Variants in LRRC8B observed in about 807,000 individuals in gnomAD.
LRRC8B encodes volume-regulated anion channel subunit LRRC8B.
In LRRC8B, 23 loss-of-function variants were observed where a neutral mutation model predicts 58.8. That is an observed-to-expected ratio of 0.39 (90% CI 0.28 to 0.55). LRRC8B has a LOEUF of 0.55. LRRC8B is among the 20% of genes least tolerant of loss of function. The pLI, the probability that LRRC8B is intolerant of heterozygous loss-of-function variation, is 0.62. For missense variants in LRRC8B, 694 were observed against 936.0 expected, an observed-to-expected ratio of 0.74 and a Z score of 3.37; for synonymous variants, 359 against 374.1, an observed-to-expected ratio of 0.96 and a Z score of 0.47.
At chr1:89,567,924 A>C (rs1353318356) in intron 1 of LRRC8B, among the ~76,000 whole-genome samples, 1 of 152,044 alleles carries the variant, frequency 6.6e-6, no homozygotes, top group Non-Finnish European at 1.5e-5. Flanking sequence ...CCTGTGATAT[A>C]TAAGTGGCAA....
intron 1 of LRRC8B, among the ~76,000 whole-genome samples, chr1:89,564,625 A>G (rs1184591559): frequency 6.6e-6 from 1 of 152,170 alleles, no homozygotes. Flanking sequence ...TTCAACAGAT[A>G]ATTATTGAGA....
chr1:89,539,017 C>T (rs1163221338), intron 1 of LRRC8B, among the ~76,000 whole-genome samples: 1 of 152,322 alleles, frequency 6.6e-6, no homozygotes, highest in East Asian at 1.9e-4. Context: ...CCACCGCACC[C>T]AGCCCCTTCA....
intron 3 of LRRC8B, among the ~76,000 whole-genome samples, chr1:89,570,971 A>G (rs1446456725): frequency 6.6e-6 from 1 of 152,164 alleles, no homozygotes; most frequent in East Asian, 1.9e-4. Flanking sequence ...TCAAATAGGG[A>G]ATCCTTTTCC....
chr1:89,575,226 T>C (rs1653757011), intron 3 of LRRC8B, among the ~76,000 whole-genome samples: 1 of 152,212 alleles, frequency 6.6e-6, no homozygotes, highest in Non-Finnish European at 1.5e-5. Context: ...TCCCCTTGAA[T>C]CTGGACTGGC....
At chr1:89,575,775 A>G (rs1653800253) in intron 3 of LRRC8B, among the ~76,000 whole-genome samples, 1 of 152,174 alleles carries the variant, frequency 6.6e-6, no homozygotes, top group African/African-American at 2.4e-5. Flanking sequence ...ATATCATAGG[A>G]TCAAAATCTG....
intron 1 of LRRC8B, among the ~76,000 whole-genome samples, chr1:89,537,827 A>T (rs965923251): frequency 1.3e-5 from 2 of 152,174 alleles, no homozygotes; most frequent in African/African-American, 4.8e-5. Context: ...CTCTCCCACC[A>T]TGTGAGGATA....
chr1:89,580,964 T>C (rs1654173380), intron 4 of LRRC8B, among the ~76,000 whole-genome samples: 2 of 152,010 alleles, frequency 1.3e-5, no homozygotes, highest in African/African-American at 2.4e-5. Flanking sequence ...CAAGGCAGGA[T>C]ACCAGACCCC....
At chr1:89,544,268 G>C (rs1651236934) in intron 1 of LRRC8B, among the ~76,000 whole-genome samples, 1 of 152,142 alleles carries the variant, frequency 6.6e-6, no homozygotes, top group African/African-American at 2.4e-5. Flanking sequence ...ACATCCCAGA[G>C]ATGTTACACA....
At chr1:89,554,800 A>G (rs529475184) in intron 1 of LRRC8B, among the ~76,000 whole-genome samples, 1 of 152,312 alleles carries the variant, frequency 6.6e-6, no homozygotes, top group South Asian at 2.1e-4. Flanking sequence ...TGGATGAGAG[A>G]GAAAAGACAG....
chr1:89,560,492 C>T (rs1377800031), intron 1 of LRRC8B, among the ~76,000 whole-genome samples: 2 of 151,334 alleles, frequency 1.3e-5, no homozygotes, highest in Non-Finnish European at 2.9e-5. Context: ...CCCACTAACT[C>T]GTCATCTAGC....
At chr1:89,570,163 A>G (rs1012679205) in intron 3 of LRRC8B, among the ~76,000 whole-genome samples, 6 of 152,178 alleles carry the variant, frequency 3.9e-5, no homozygotes, top group Non-Finnish European at 5.9e-5. Context: ...GCTATTGTGA[A>G]TAATGCTGCA....
intron 4 of LRRC8B, among the ~76,000 whole-genome samples, chr1:89,581,444 T>C (rs1380390903): frequency 6.6e-6 from 1 of 152,158 alleles, no homozygotes; most frequent in African/African-American, 2.4e-5. Context: ...GGCACCATGC[T>C]ACCATTATTA....
chr1:89,581,078 T>G (rs1654187593), intron 4 of LRRC8B, among the ~76,000 whole-genome samples: 1 of 151,876 alleles, frequency 6.6e-6, no homozygotes, highest in Non-Finnish European at 1.5e-5. Context: ...GATCATGAGG[T>G]CAGGAGTTCG....
At chr1:89,562,181 A>ACACACACACAGC (rs1553157003) in intron 1 of LRRC8B, among the ~76,000 whole-genome samples, 1 of 149,814 alleles carries the variant, frequency 6.7e-6, no homozygotes, top group African/African-American at 2.5e-5. Context: ...ACACACACAC[A>ACACACACACAGC]CCCTCTGCAT....
At chr1:89,531,126 CT>C (rs1175460423) in intron 1 of LRRC8B, among the ~76,000 whole-genome samples, 1 of 152,164 alleles carries the variant, frequency 6.6e-6, no homozygotes, top group Non-Finnish European at 1.5e-5. Context: ...AAGTTCATTT[CT>C]TTTAACAAAA....
chr1:89,559,619 T>A (rs373706386), intron 1 of LRRC8B, among the ~76,000 whole-genome samples: 21,793 of 126,808 alleles, frequency 0.17, 2,136 homozygotes, highest in South Asian at 0.29. Context: ...AAAAAAAATA[T>A]ATATATATAT....
At chr1:89,585,816 A>AAAAG (rs549486651) in intron 5 of LRRC8B, among the ~76,000 whole-genome samples, 57 of 152,246 alleles carry the variant, frequency 3.7e-4, no homozygotes, top group African/African-American at 9.1e-4. Flanking sequence ...TCTCAAAAAA[A>AAAAG]AAAGAAAGAA....
At chr1:89,536,537 T>G (rs541966934) in intron 1 of LRRC8B, among the ~76,000 whole-genome samples, 4 of 152,332 alleles carry the variant, frequency 2.6e-5, no homozygotes, top group East Asian at 3.9e-4. Flanking sequence ...AGGCACTGTT[T>G]ACAGGCACAG....
intron 1 of LRRC8B, among the ~76,000 whole-genome samples, chr1:89,530,290 C>T (rs1261564701): frequency 4.0e-5 from 6 of 151,590 alleles, no homozygotes; most frequent in African/African-American, 9.7e-5. Flanking sequence ...ACCCGGGAGG[C>T]GGAGCTTGCA....
Sources: allele counts gnomAD v4.1 joint callset (sites outside exome capture counted in the v4.1 genomes callset), GRCh38; gene constraint gnomAD v4.1.1; transcripts MANE v1.5; gene names NCBI Gene and HGNC (gene_info 2026-07-23, HGNC 2026-07-21).